The following CSGALNACT1 variants were observed in gnomAD, a reference collection of about 807,000 sequenced individuals.
CSGALNACT1 encodes the protein chondroitin sulfate N-acetylgalactosaminyltransferase 1, also known as beta4GalNAcT-1.
In CSGALNACT1, 52 loss-of-function variants were observed where a neutral mutation model predicts 51.0. The observed-to-expected ratio is 1.02, with a 90% CI of 0.82 to 1.29. The LOEUF (loss-of-function observed/expected upper bound fraction) is 1.29, where lower values mean the gene tolerates loss of function less well. Ranked by LOEUF, CSGALNACT1 falls within the 50% of genes most tolerant of loss-of-function variation. The pLI is 0.00. For synonymous variants in CSGALNACT1, 341 were observed against 254.4 expected, an observed-to-expected ratio of 1.34 and a Z score of -3.24; for missense variants, 935 against 679.2, an observed-to-expected ratio of 1.38 and a Z score of -4.19.
intron 1 of CSGALNACT1, among the ~76,000 whole-genome samples, chr8:19,673,197 C>G (rs761716607): frequency 6.6e-6 from 1 of 152,172 alleles, no homozygotes; most frequent in Non-Finnish European, 1.5e-5. Context: ...AAATGGACTC[C>G]GATGCAAGGA....
Position 19,757,600 on chromosome 8 carries a change from G to C in CSGALNACT1, c.-297+250C>G, listed in dbSNP as rs2065479012. Among the ~76,000 whole-genome samples, 1 of 152,172 alleles carries C rather than the reference G, an allele frequency of 6.6e-6. No homozygotes were observed. Among genetic ancestry groups the C allele is most frequent in the Admixed American group, 6.5e-5 (1 of 15,288 alleles). On this transcript the variant is annotated intron_variant, in intron 1 of 1. Transcript: ENST00000517494. The surrounding 1 kb of genome is among the most constrained non-coding windows in gnomAD (Gnocchi z 4.0). ...ACACCAAGAGCCGGAGAAGTTTAGA[G>C]ACTAGGACACTGTGGCGTGGCCCGA...
intron 4 of CSGALNACT1, among the ~76,000 whole-genome samples, chr8:19,503,979 AAG>A (rs762693255): frequency 6.6e-6 from 1 of 152,228 alleles, no homozygotes; most frequent in Non-Finnish European, 1.5e-5. Context: ...GATTTGATGG[AAG>A]AGAGTCAGTT....
chr8:19,605,000 A>T (rs2051169780), upstream of CSGALNACT1, among the ~76,000 whole-genome samples: 1 of 152,006 alleles, frequency 6.6e-6, no homozygotes, highest in Non-Finnish European at 1.5e-5. Flanking sequence ...GCTGCCAGCA[A>T]CCTAAGGCTG....
chr8:19,451,827 A>C (rs996653373), intron 5 of CSGALNACT1, among the ~76,000 whole-genome samples: 3 of 152,222 alleles, frequency 2.0e-5, no homozygotes, highest in Non-Finnish European at 4.4e-5. Flanking sequence ...AATAATCCGC[A>C]TAGAACTGCA....
intron 1 of CSGALNACT1, among the ~76,000 whole-genome samples, chr8:19,667,009 A>AG (rs1564386151): frequency 2.0e-4 from 8 of 40,022 alleles, no homozygotes; most frequent in South Asian, 8.4e-4. Flanking sequence ...GAAAGAAAGA[A>AG]AGAAAGAAAG....
At chr8:19,438,431 G>A (rs1217456291) in intron 6 of CSGALNACT1, among the ~76,000 whole-genome samples, 2 of 152,186 alleles carry the variant, frequency 1.3e-5, no homozygotes, top group African/African-American at 2.4e-5. Context: ...CATTTGTAAT[G>A]TACTGGAGTC....
intron 1 of CSGALNACT1, among the ~76,000 whole-genome samples, chr8:19,671,341 T>C (rs2154198070): frequency 6.6e-6 from 1 of 152,332 alleles, no homozygotes; most frequent in South Asian, 2.1e-4. Flanking sequence ...ATGGATGAAC[T>C]AGTTAGGTGT....
chr8:19,640,572 A>G (rs561719019), intron 1 of CSGALNACT1, among the ~76,000 whole-genome samples: 29 of 152,220 alleles, frequency 1.9e-4, no homozygotes, highest in Non-Finnish European at 3.2e-4. Context: ...GTTCTCCACT[A>G]CATAAGAAAA....
chr8:19,661,123 C>T (rs956784027), intron 1 of CSGALNACT1, among the ~76,000 whole-genome samples: 1 of 151,760 alleles, frequency 6.6e-6, no homozygotes, highest in Non-Finnish European at 1.5e-5. Flanking sequence ...ACCATGTTGG[C>T]CAGGATGGTC....
chr8:19,615,029 A>G (rs1410139224), intron 1 of CSGALNACT1, among the ~76,000 whole-genome samples: 11 of 152,232 alleles, frequency 7.2e-5, no homozygotes, highest in Non-Finnish European at 2.9e-5. Context: ...ACTTTAATGT[A>G]AAACACTATT....
At chr8:19,645,726 G>A (rs1289104702) in intron 1 of CSGALNACT1, among the ~76,000 whole-genome samples, 1 of 152,216 alleles carries the variant, frequency 6.6e-6, no homozygotes, top group Non-Finnish European at 1.5e-5. Context: ...GGGGAAAGCT[G>A]TGATTGATGT....
Position 19,705,231 on chromosome 8 carries a change from A to G in CSGALNACT1, c.-297+52619T>C, listed in dbSNP as rs572358966. The stretch of plus-strand genomic sequence containing the variant: ...ATAAACTTGGGGGAAAAACAAATAG[A>G]AAGTAAATCAGTAATTCTACCTTAA... On this transcript the variant is annotated intron_variant, in intron 1 of 1. Coordinates refer to the CSGALNACT1 transcript ENST00000517494. Among the ~76,000 whole-genome samples the G allele has an allele frequency of 2.0e-4, 30 of 152,354 alleles. No individual in the cohort carries two copies. In the South Asian group the frequency reaches 6.0e-3, roughly 31 times the overall value.
chr8:19,589,284 A>T (rs1238349046), intron 3 of CSGALNACT1, among the ~76,000 whole-genome samples: 1 of 152,226 alleles, frequency 6.6e-6, no homozygotes, highest in Non-Finnish European at 1.5e-5. Context: ...TTCTAAAGCT[A>T]CCTAATTTTT....
intron 4 of CSGALNACT1, among the ~76,000 whole-genome samples, chr8:19,502,819 T>C (rs999762483): frequency 3.3e-5 from 5 of 152,174 alleles, no homozygotes; most frequent in African/African-American, 7.2e-5. Context: ...GATCAAAGAA[T>C]TGTGAACCAG....
chr8:19,619,340 G>A (rs2053518705), intron 1 of CSGALNACT1, among the ~76,000 whole-genome samples: 1 of 152,034 alleles, frequency 6.6e-6, no homozygotes, highest in Non-Finnish European at 1.5e-5. Flanking sequence ...TGGAATTTGA[G>A]ATGCCTACAG....
chr8:19,622,266 T>A (rs910592697), intron 1 of CSGALNACT1, among the ~76,000 whole-genome samples: 3 of 152,240 alleles, frequency 2.0e-5, no homozygotes, highest in Non-Finnish European at 4.4e-5. Flanking sequence ...TTAGGGATCC[T>A]AAATATATCC....
chr8:19,754,455 C>T (rs1312323697), intron 1 of CSGALNACT1, among the ~76,000 whole-genome samples: 1 of 152,086 alleles, frequency 6.6e-6, no homozygotes, highest in Admixed American at 6.5e-5. Flanking sequence ...TAAAAATAAG[C>T]TGTACCAAAG....
chr8:19,670,815 T>C (rs2059746442), intron 1 of CSGALNACT1, among the ~76,000 whole-genome samples: 1 of 152,154 alleles, frequency 6.6e-6, no homozygotes, highest in African/African-American at 2.4e-5. Context: ...CTACTTGGCT[T>C]CCGGCACAAG....
At chr8:19,479,305 C>T (rs2070701095) in intron 4 of CSGALNACT1, among the ~76,000 whole-genome samples, 1 of 152,150 alleles carries the variant, frequency 6.6e-6, no homozygotes, top group Non-Finnish European at 1.5e-5. Flanking sequence ...ACTCCATTGT[C>T]TTTGGATGAG....
Sources: gnomAD v4.1 joint callset for allele counts (sites outside exome capture counted in the v4.1 genomes callset) on GRCh38, gnomAD v4.1.1 for gene constraint, Gnocchi (gnomAD v3.1) non-coding constraint, MANE v1.5 for transcripts, NCBI Gene and HGNC (gene_info 2026-07-23, HGNC 2026-07-21) for gene names.